Variants in SEZ6L observed in about 807,000 individuals in gnomAD.
SEZ6L encodes seizure 6-like protein.
In SEZ6L, 37 loss-of-function variants were observed where a neutral mutation model predicts 106.2. The observed-to-expected ratio is 0.35, with a 90% confidence interval of 0.27 to 0.46. The LOEUF (loss-of-function observed/expected upper bound fraction) is 0.46. Among genes scored for constraint, SEZ6L ranks in the 20% least tolerant of loss-of-function variants. The pLI is 1.00. For synonymous variants in SEZ6L, 541 were observed against 570.4 expected (o/e 0.95, Z 0.73); for missense variants, 1,172 against 1,332.8 (o/e 0.88, Z 1.88).
intron 6 of SEZ6L, among the ~76,000 whole-genome samples, chr22:26,309,300 A>G (rs770676538): frequency 6.6e-6 from 1 of 152,224 alleles, no homozygotes; most frequent in Non-Finnish European, 1.5e-5. Context: ...CATTTTGTTT[A>G]ACACATTTTA....
intron 10 of SEZ6L, among the ~76,000 whole-genome samples, chr22:26,346,391 C>A (rs1363135341): frequency 6.6e-6 from 1 of 152,178 alleles, no homozygotes; most frequent in East Asian, 1.9e-4. Flanking sequence ...ATTAAAAATG[C>A]ATATATTACT....
At chr22:26,356,097 C>G (rs2083428029) in intron 12 of SEZ6L, among the ~76,000 whole-genome samples, 1 of 152,192 alleles carries the variant, frequency 6.6e-6, no homozygotes, top group Non-Finnish European at 1.5e-5. Context: ...TTCAGGCCTC[C>G]TATATGCAGG....
intron 9 of SEZ6L, among the ~76,000 whole-genome samples, chr22:26,336,003 C>T (rs2082633098): frequency 6.6e-6 from 1 of 152,130 alleles, no homozygotes; most frequent in Non-Finnish European, 1.5e-5. Context: ...ATGGCCAGTG[C>T]CTTCTTTTCC....
chr22:26,247,312 G>C (rs1173623970), intron 1 of SEZ6L, among the ~76,000 whole-genome samples: 2 of 152,158 alleles, frequency 1.3e-5, no homozygotes, highest in Admixed American at 6.5e-5. Context: ...CCTTTGTACT[G>C]TGTCAAATAG....
chr22:26,249,143 C>A (rs1207930756), intron 1 of SEZ6L, among the ~76,000 whole-genome samples: 1 of 152,174 alleles, frequency 6.6e-6, no homozygotes, highest in African/African-American at 2.4e-5. Flanking sequence ...ATATCTATCA[C>A]CTCGAAAATG....
chr22:26,279,812 T>C (rs2080700701), intron 1 of SEZ6L, among the ~76,000 whole-genome samples: 2 of 152,174 alleles, frequency 1.3e-5, no homozygotes, highest in Admixed American at 6.5e-5. Flanking sequence ...GTGTCTTTTC[T>C]TGGGGACTCC....
At position 26,234,452 on chromosome 22, in the gene SEZ6L, CT is replaced by C. The variant is rs994751091; in HGVS notation, c.95-57946del. On this transcript the variant is annotated intron_variant, in intron 1 of 16. Coordinates refer to ENST00000248933, the MANE Select transcript of SEZ6L (RefSeq NM_021115.5). ...ATAGAGTGGGTCGGAATTAGCAGAC[CT>C]TTTTTTTCCTTTCTAATTTATAGCT... 6.6e-5 allele frequency among the ~76,000 whole-genome samples: 10 copies of C among 152,212 alleles called. No individual in the cohort carries two copies. The East Asian group carries it at 1.2e-3, about 18-fold the overall frequency.
intron 1 of SEZ6L, among the ~76,000 whole-genome samples, chr22:26,246,761 T>C (rs1293984231): frequency 6.6e-6 from 1 of 152,210 alleles, no homozygotes; most frequent in East Asian, 1.9e-4. Flanking sequence ...GAATTGAATC[T>C]GTAATGGGTA....
intron 9 of SEZ6L, among the ~76,000 whole-genome samples, chr22:26,338,423 G>A (rs1370513626): frequency 6.6e-6 from 1 of 152,088 alleles, no homozygotes; most frequent in Non-Finnish European, 1.5e-5. Flanking sequence ...TGTGAGATGA[G>A]TTCTTGCTCT....
In SEZ6L at chr22:26,299,039, G is replaced by A. The variant is rs772313146; in HGVS notation, c.1218G>A (p.Val406=). 1.9e-6 allele frequency: 3 copies of A among 1,605,814 alleles called. No homozygotes were observed. Among genetic ancestry groups the A allele is most frequent in the South Asian group, 1.1e-5 (1 of 89,582 alleles). ...PRRPDSGDVT[V]MDLHSGGVAH... ...GGCCTGACTCTGGGGATGTCACGGTGATGGACCTGCACTCAGGTGGGGTGG... is the reference window on the plus strand; with the variant it reads ...GGCCTGACTCTGGGGATGTCACGGTAATGGACCTGCACTCAGGTGGGGTGG... The change falls in exon 5 of 17, where the codon GTG becomes GTA. Residue 406 remains valine (V), a synonymous_variant. Transcript: ENST00000248933.
intron 9 of SEZ6L, among the ~76,000 whole-genome samples, chr22:26,320,821 T>G (rs2082133463): frequency 6.6e-6 from 1 of 152,152 alleles, no homozygotes; most frequent in South Asian, 2.1e-4. Flanking sequence ...TGGAGGCATT[T>G]CTAGTTGGGA....
intron 13 of SEZ6L, among the ~76,000 whole-genome samples, chr22:26,371,087 TA>T (rs1463084859): frequency 1.4e-4 from 21 of 152,306 alleles, no homozygotes; most frequent in African/African-American, 4.3e-4. Context: ...AGTGCCATGT[TA>T]TTTTTTTTAT....
intron 1 of SEZ6L, among the ~76,000 whole-genome samples, chr22:26,282,586 A>G (rs994538368): frequency 3.3e-5 from 5 of 152,136 alleles, no homozygotes; most frequent in Admixed American, 3.3e-4. Context: ...TCTTGAGAAA[A>G]AAGTGTGGTG....
intron 13 of SEZ6L, among the ~76,000 whole-genome samples, chr22:26,371,107 C>T (rs543063604): frequency 1.3e-5 from 2 of 152,086 alleles, no homozygotes; most frequent in Non-Finnish European, 2.9e-5. Flanking sequence ...ATTTGCCACC[C>T]GTCATTCCAC....
chr22:26,334,600 C>T (rs2082588924), intron 9 of SEZ6L, among the ~76,000 whole-genome samples: 2 of 152,150 alleles, frequency 1.3e-5, no homozygotes, highest in Non-Finnish European at 1.5e-5. Context: ...GTATCAGGGC[C>T]AGGTGAGGAT....
In SEZ6L at chr22:26,341,261, A is replaced by G. The variant is rs575687900; in HGVS notation, c.2212+629A>G. ...ACCATGTCTCTCCTGCTCCTCCTAA[A>G]ACAAACAAAACAAAAAAAAAACCTG... On this transcript the variant is annotated intron_variant, in intron 10 of 16. Coordinates refer to ENST00000248933, the MANE Select transcript of SEZ6L (RefSeq NM_021115.5). Among the ~76,000 whole-genome samples, 7 of 125,988 alleles carry G rather than the reference A, an allele frequency of 5.6e-5. No homozygotes were observed. In the South Asian group the frequency reaches 2.0e-3, roughly 36 times the overall value. The allele number at this position is 125,988 out of a possible 152,430, so 82.7% of individuals were successfully genotyped here.
At chr22:26,219,254 G>GTGTTT (rs1556124260) in intron 1 of SEZ6L, among the ~76,000 whole-genome samples, 41,918 of 134,784 alleles carry the variant, frequency 0.31, 8,485 homozygotes, top group Non-Finnish European at 0.43. Context: ...AGAAATACAA[G>GTGTTT]TTTTTTTTTT....
chr22:26,237,899 G>T (rs1475358724), intron 1 of SEZ6L, among the ~76,000 whole-genome samples: 1 of 152,180 alleles, frequency 6.6e-6, no homozygotes, highest in Admixed American at 6.5e-5. Context: ...GACTGCCTTG[G>T]ATGATTGGTT....
In SEZ6L at chr22:26,377,536, AG is replaced by A. The variant is rs957330032; in HGVS notation, c.2943-135del. The A allele has an allele frequency of 7.1e-4, 491 of 693,732 alleles. 1 individual carries two copies. Among genetic ancestry groups the A allele is most frequent in the Non-Finnish European group, 9.3e-4 (362 of 389,942 alleles). 43.0% of individuals were successfully genotyped at this position (693,732 alleles called of 1,614,324 possible). A position where few individuals can be genotyped will look rare whatever the true frequency, so the allele number is the denominator to read the frequency against. ...CCTCACTAGGATTCTCGCCTGCAAA[AG>A]GCTGTTTGCACACATCCTCGTCGTC... On this transcript the variant is annotated intron_variant, in intron 15 of 16. Coordinates refer to ENST00000248933, the MANE Select transcript of SEZ6L (RefSeq NM_021115.5).
Sources: allele counts gnomAD v4.1 joint callset (sites outside exome capture counted in the v4.1 genomes callset), GRCh38; gene constraint gnomAD v4.1.1; transcripts MANE v1.5; gene names NCBI Gene and HGNC (gene_info 2026-07-23, HGNC 2026-07-21).